Variants in USP34 observed in about 807,000 individuals in gnomAD.
USP34 encodes ubiquitin specific peptidase 34.
In USP34, 70 loss-of-function variants were observed where a neutral mutation model predicts 460.3. The observed-to-expected ratio is 0.15, with a 90% CI of 0.13 to 0.19. USP34 has a LOEUF of 0.19. Ranked by LOEUF, USP34 falls within the 10% of genes least tolerant of loss-of-function variation. The probability of loss-of-function intolerance (pLI) is 1.00; values close to 1 mark genes in which losing one functional copy is unlikely to be tolerated. For missense variants in USP34, 3,985 were observed against 4,236.2 expected (o/e 0.94, Z 1.65); for synonymous variants, 1,647 against 1,405.3 (o/e 1.17, Z -3.85).
At chr2:61,404,956 G>A (rs961497939) in intron 3 of USP34, among the ~76,000 whole-genome samples, 2 of 152,030 alleles carry the variant, frequency 1.3e-5, no homozygotes, top group Non-Finnish European at 2.9e-5. Flanking sequence ...AGCCAGGGGT[G>A]GTGGCTCACG....
intron 2 of USP34, among the ~76,000 whole-genome samples, chr2:61,408,235 C>T (rs192434056): frequency 6.8e-4 from 104 of 152,260 alleles, no homozygotes; most frequent in African/African-American, 2.4e-3. Flanking sequence ...TATGACCTGG[C>T]CAACACCTTG....
rs776766244 is a variant in USP34 at position 61,189,086 on chromosome 2, A to G, written c.9874-17T>C. The G allele has an allele frequency of 1.2e-6, 2 of 1,601,642 alleles. No homozygotes were observed. The highest frequency in any genetic ancestry group is 1.8e-5 in the Admixed American group (1 of 56,996). On this transcript the variant is annotated splice_polypyrimidine_tract_variant and intron_variant, in intron 78 of 79. Coordinates refer to ENST00000398571, the MANE Select transcript of USP34 (RefSeq NM_014709.4). Reference sequence around the variant, plus strand: ...CCTCAGGTCCTACAAAAACCCAGATAGGAACATTTCAAATTCTAAAGCCAA... The same window carrying G: ...CCTCAGGTCCTACAAAAACCCAGATGGGAACATTTCAAATTCTAAAGCCAA...
At chr2:61,244,580 C>T (rs966902558) in intron 51 of USP34, among the ~76,000 whole-genome samples, 1 of 150,312 alleles carries the variant, frequency 6.7e-6, no homozygotes, top group Non-Finnish European at 1.5e-5. Context: ...GCGCCACTGA[C>T]TCCAGTCTGG....
In USP34 at chr2:61,265,516, C is replaced by G; in HGVS notation, c.5659G>C (p.Val1887Leu). The G allele has an allele frequency of 6.2e-7, 1 of 1,612,996 alleles. No individual in the cohort carries two copies. Among genetic ancestry groups the G allele is most frequent in the Non-Finnish European group, 8.5e-7 (1 of 1,179,368 alleles). ...YKWDYWPHED[V>L]RAECRFVGLT... ...CCAACAAATCTACATTCAGCACGGA[C>G]ATCTTCATGAGGCCAGTAATCCCAT... The change falls in exon 43 of 80, where the codon GTC (valine) becomes CTC (leucine). Residue 1887 changes from valine (V) to leucine (L), a missense_variant. Transcript: ENST00000398571.
rs183551314 is a variant in USP34, at chr2:61,384,078, A to G, written c.754-742T>C. On this transcript the variant is annotated intron_variant, in intron 5 of 79. Coordinates refer to ENST00000398571, the MANE Select transcript of USP34 (RefSeq NM_014709.4). The stretch of plus-strand genomic sequence containing the variant: ...TCCTAAAATATTTCAAATTACCCAT[A>G]ATTTCTAGTCATTTCAGTATCTGAA... 1.2e-3 allele frequency among the ~76,000 whole-genome samples: 187 copies of G among 152,222 alleles called. 1 individual carries two copies. The highest frequency in any genetic ancestry group is 2.0e-3 in the Non-Finnish European group (137 of 68,022).
rs201262420 is a variant in USP34 at position 61,293,533 on chromosome 2, C to T, written c.4479G>A (p.Gly1493=). Residue 1493 remains glycine (G), a synonymous_variant, in exon 33 of 80, where the codon GGG becomes GGA. Coordinates refer to ENST00000398571, the MANE Select transcript of USP34 (RefSeq NM_014709.4). ...SWSCKFVAAG[G]LQQLLEIFNS... Reference sequence around the variant, plus strand: ...TAAAAATTTCTAATAACTGTTGAAGCCCTCCAGCAGCAACAAACTGTAGGC... The same window carrying T: ...TAAAAATTTCTAATAACTGTTGAAGTCCTCCAGCAGCAACAAACTGTAGGC... 1.3e-3 allele frequency: 2,171 copies of T among 1,612,162 alleles called. 4 individuals carry two copies. The highest frequency in any genetic ancestry group is 1.7e-3 in the Non-Finnish European group (1,966 of 1,178,958).
intron 37 of USP34, 135 bp downstream of exon 37, chr2:61,283,010 T>C (rs760038904): frequency 5.9e-6 from 5 of 853,298 alleles, no homozygotes; most frequent in Non-Finnish European, 8.9e-6. Context: ...ACTCTAGACC[T>C]TAAAGGATTA....
At chr2:61,211,987 G>A (rs1687283750) in intron 68 of USP34, 58 bp from the exon 69 acceptor site, 2 of 1,516,522 alleles carry the variant, frequency 1.3e-6, no homozygotes, top group South Asian at 1.3e-5. Context: ...TAGAAGGTCA[G>A]TTTCTCATTT....
chr2:61,348,738 A>G lies in USP34; in HGVS notation c.1674+18T>C. On this transcript the variant is annotated intron_variant, in intron 14 of 79. Coordinates refer to ENST00000398571, the MANE Select transcript of USP34 (RefSeq NM_014709.4). ...AAGCCAAAAATGCCTATAAAAGAAG[A>G]AAAACCTATTTTCATACCTCTGTGT... is the stretch of plus-strand genomic sequence containing the variant. 1.2e-6 allele frequency: 2 copies of G among 1,604,898 alleles called. No individual in the cohort carries two copies. The highest frequency in any genetic ancestry group is 1.7e-6 in the Non-Finnish European group (2 of 1,176,614).
intron 15 of USP34, among the ~76,000 whole-genome samples, chr2:61,345,470 C>T (rs1268042360): frequency 1.3e-5 from 2 of 152,128 alleles, no homozygotes. Context: ...TAGCAAAACT[C>T]AATCTGATAA....
At chr2:61,391,388 C>A (rs1693340110) in intron 5 of USP34, among the ~76,000 whole-genome samples, 1 of 151,942 alleles carries the variant, frequency 6.6e-6, no homozygotes, top group Non-Finnish European at 1.5e-5. Context: ...TTTCCTGAGT[C>A]CCAGGAAATG....
chr2:61,232,334 G>C (rs116814842), intron 58 of USP34, 118 bp downstream of exon 58: 2 of 844,680 alleles, frequency 2.4e-6, no homozygotes, highest in Non-Finnish European at 1.9e-6. Flanking sequence ...ATAGGAGGCA[G>C]ATCTTTTCAA....
chr2:61,282,198 C>T (rs56196589), intron 37 of USP34, among the ~76,000 whole-genome samples: 2,450 of 152,190 alleles, frequency 0.016, 79 homozygotes, highest in African/African-American at 0.056. Context: ...ACCATGTTGG[C>T]CAGGCTGGTC....
At chr2:61,406,794 C>T (rs887591528) in intron 2 of USP34, among the ~76,000 whole-genome samples, 4 of 151,320 alleles carry the variant, frequency 2.6e-5, no homozygotes, top group African/African-American at 4.9e-5. Context: ...CATTTGAGGT[C>T]AGGAGTTCGA....
intron 15 of USP34, among the ~76,000 whole-genome samples, chr2:61,345,810 A>C (rs544508040): frequency 6.6e-6 from 1 of 152,092 alleles, no homozygotes; most frequent in East Asian, 1.9e-4. Flanking sequence ...AGTGTTTTTA[A>C]TATTTTTGTA....
chr2:61,395,253 C>G lies in USP34; in HGVS notation c.553-20G>C. 1 of 1,264,986 alleles carries G rather than the reference C, an allele frequency of 7.9e-7. No individual in the cohort carries two copies. Among genetic ancestry groups the G allele is most frequent in the South Asian group, 1.3e-5 (1 of 75,104 alleles). 78.4% of individuals were successfully genotyped at this position (1,264,986 alleles called of 1,614,324 possible). On this transcript the variant is annotated intron_variant, in intron 3 of 79. Transcript: ENST00000398571. ...TATATCCTAATTAAAAAAAAAAAAGCAAGTAAAATTAGGTTACAACTACTA... is the reference window on the plus strand; with the variant it reads ...TATATCCTAATTAAAAAAAAAAAAGGAAGTAAAATTAGGTTACAACTACTA...
rs1332789807 is a variant in USP34 at position 61,353,498 on chromosome 2, T to A, written c.1252-2805A>T. Among the ~76,000 whole-genome samples, 3 of 151,860 alleles carry A rather than the reference T, an allele frequency of 2.0e-5. No individual in the cohort carries two copies. The East Asian group carries it at 5.8e-4, about 29-fold the overall frequency. ...CGTGTGCCTCCCAGGTTCAAGTGAT[T>A]CTCATGCCTCAGCCTCCCAAGTAGC... On this transcript the variant is annotated intron_variant, in intron 10 of 79. Coordinates refer to ENST00000398571, the MANE Select transcript of USP34 (RefSeq NM_014709.4).
intron 2 of USP34, among the ~76,000 whole-genome samples, chr2:61,414,026 G>C (rs1225408466): frequency 2.6e-5 from 4 of 152,098 alleles, no homozygotes; most frequent in Non-Finnish European, 5.9e-5. Context: ...GGGAGGCCAA[G>C]GCGGGTGGAC....
intron 1 of USP34, among the ~76,000 whole-genome samples, chr2:61,469,052 C>T (rs921817876): frequency 6.6e-6 from 1 of 152,030 alleles, no homozygotes; most frequent in African/African-American, 2.4e-5. Context: ...ACCAAAAATA[C>T]AAAAATCAGC....
Sources: allele counts gnomAD v4.1 joint callset (sites outside exome capture counted in the v4.1 genomes callset), GRCh38; gene constraint gnomAD v4.1.1; transcripts MANE v1.5; gene names NCBI Gene and HGNC (gene_info 2026-07-23, HGNC 2026-07-21).